KLF12: variants seen among roughly 807,000 people sequenced by gnomAD.
The protein encoded by KLF12 is Krueppel-like factor 12.
In KLF12, 9 loss-of-function variants were observed where a neutral mutation model predicts 37.8. That is an observed-to-expected ratio of 0.24 (90% CI 0.14 to 0.42). KLF12 has a LOEUF of 0.42. Among genes scored for constraint, KLF12 ranks in the 10% least tolerant of loss-of-function variants. The probability of loss-of-function intolerance (pLI) is 1.00; values close to 1 mark genes in which losing one functional copy is unlikely to be tolerated. For missense variants in KLF12, 411 were observed against 516.0 expected (o/e 0.80, Z 1.97); for synonymous variants, 208 against 202.1 (o/e 1.03, Z -0.25).
At chr13:73,903,901 G>A (rs905146188) in intron 3 of KLF12, among the ~76,000 whole-genome samples, 2 of 152,088 alleles carry the variant, frequency 1.3e-5, no homozygotes, top group African/African-American at 4.8e-5. Context: ...ATGTGAGGTG[G>A]AATAGTTTCA....
At chr13:74,297,523 A>G in the KLF12 span, among the ~76,000 whole-genome samples, 1 of 152,178 alleles carries the variant, frequency 6.6e-6, no homozygotes, top group Non-Finnish European at 1.5e-5. Context: ...CTCTATAGGT[A>G]CTGTGGAACT....
chr13:74,187,317 C>T, the KLF12 span, among the ~76,000 whole-genome samples: 1 of 151,486 alleles, frequency 6.6e-6, no homozygotes, highest in Admixed American at 6.6e-5. Flanking sequence ...GAGGGAGACC[C>T]TGTCTCAAAA....
chr13:73,768,810 G>A (rs763516851), intron 5 of KLF12, among the ~76,000 whole-genome samples: 5 of 152,126 alleles, frequency 3.3e-5, no homozygotes, highest in Admixed American at 6.6e-5. Context: ...CTGGGGTCAC[G>A]TAGGTAGTAA....
the KLF12 span, among the ~76,000 whole-genome samples, chr13:74,293,028 C>T: frequency 6.6e-6 from 1 of 152,122 alleles, no homozygotes; most frequent in East Asian, 1.9e-4. Context: ...ACAACAGGCA[C>T]ATAGGTGCAA....
Position 73,843,835 on chromosome 13 carries a change from G to T in KLF12, c.670+1992C>A, listed in dbSNP as rs558488429. ...GGTTTATACTTAAATTTTTATTCTTGATATGAGAAAACTACTGAGTAAAAA... is the reference window on the plus strand; with the variant it reads ...GGTTTATACTTAAATTTTTATTCTTTATATGAGAAAACTACTGAGTAAAAA... On this transcript the variant is annotated intron_variant, in intron 4 of 7. Transcript: ENST00000377669. Among the ~76,000 whole-genome samples the T allele has an allele frequency of 2.6e-5, 4 of 152,108 alleles. No individual in the cohort carries two copies. In the South Asian group the frequency reaches 8.3e-4, roughly 32 times the overall value.
the KLF12 span, among the ~76,000 whole-genome samples, chr13:74,185,361 G>C: frequency 6.6e-6 from 1 of 152,172 alleles, no homozygotes; most frequent in African/African-American, 2.4e-5. Flanking sequence ...GGAGGCTAAG[G>C]ATGGAGTGAG....
At chr13:73,937,108 T>G (rs1889969936) in intron 3 of KLF12, among the ~76,000 whole-genome samples, 2 of 152,050 alleles carry the variant, frequency 1.3e-5, no homozygotes, top group African/African-American at 4.8e-5. Flanking sequence ...GAGAATCGCT[T>G]GAACCCGGGA....
chr13:74,120,792 C>T (rs1340441164), intron 1 of KLF12, among the ~76,000 whole-genome samples: 1 of 151,924 alleles, frequency 6.6e-6, no homozygotes, highest in Non-Finnish European at 1.5e-5. Flanking sequence ...TGCTATCATA[C>T]AGTAAGGTAA....
chr13:74,221,006 G>T, the KLF12 span, among the ~76,000 whole-genome samples: 122 of 137,722 alleles, frequency 8.9e-4, 1 homozygote, highest in Admixed American at 3.2e-3. Context: ...TTGCTTGTTT[G>T]TTTTTTTTTT....
intron 3 of KLF12, among the ~76,000 whole-genome samples, chr13:73,900,289 C>T (rs1186867781): frequency 1.3e-5 from 2 of 152,140 alleles, no homozygotes; most frequent in East Asian, 3.8e-4. Flanking sequence ...TAGACCTCCA[C>T]ATGTTAAAGA....
intron 6 of KLF12, among the ~76,000 whole-genome samples, chr13:73,754,247 A>G (rs529251334): frequency 1.5e-4 from 23 of 152,212 alleles, no homozygotes; most frequent in African/African-American, 5.5e-4. Flanking sequence ...TGCTCTGACA[A>G]TTTTTTAAAA....
At chr13:74,074,145 C>CGAGA (rs150269885) in intron 1 of KLF12, among the ~76,000 whole-genome samples, 2 of 151,284 alleles carry the variant, frequency 1.3e-5, no homozygotes, top group African/African-American at 4.9e-5. Context: ...TTTTCTCATT[C>CGAGA]GAGAGAGAGA....
chr13:74,128,299 A>G (rs1158901866), intron 1 of KLF12, among the ~76,000 whole-genome samples: 1 of 152,218 alleles, frequency 6.6e-6, no homozygotes, highest in Admixed American at 6.5e-5. Flanking sequence ...TTCCTTCCCC[A>G]TAAGTGTAAT....
chr13:74,097,714 T>TTGTGTG (rs58698640), intron 1 of KLF12, among the ~76,000 whole-genome samples: 11 of 147,286 alleles, frequency 7.5e-5, no homozygotes, highest in Non-Finnish European at 1.3e-4. Flanking sequence ...ATATATGTAT[T>TTGTGTG]TGTGTGTGTG....
At chr13:73,967,798 G>C (rs1442427436) in intron 2 of KLF12, among the ~76,000 whole-genome samples, 1 of 152,108 alleles carries the variant, frequency 6.6e-6, no homozygotes, top group East Asian at 1.9e-4. Flanking sequence ...TACATAGAAG[G>C]CAAGGGACAT....
chr13:74,011,065 G>C (rs764659564), intron 1 of KLF12, among the ~76,000 whole-genome samples: 7 of 151,946 alleles, frequency 4.6e-5, no homozygotes, highest in Non-Finnish European at 1.0e-4. Flanking sequence ...TTTAATATCA[G>C]TGATCTTATT....
chr13:74,283,529 C>T, the KLF12 span, among the ~76,000 whole-genome samples: 28 of 152,212 alleles, frequency 1.8e-4, no homozygotes, highest in South Asian at 5.8e-3. Context: ...TGCAGATACT[C>T]CTTTACAGGG....
the KLF12 span, among the ~76,000 whole-genome samples, chr13:74,179,077 C>T: frequency 6.6e-6 from 1 of 152,202 alleles, no homozygotes. Flanking sequence ...GGCCTTTGGT[C>T]TTTCCTTCCT....
the KLF12 span, among the ~76,000 whole-genome samples, chr13:74,235,982 A>G: frequency 6.7e-6 from 1 of 149,666 alleles, no homozygotes; most frequent in African/African-American, 2.5e-5. Flanking sequence ...TTTAGGGTAC[A>G]TGTGCACAAT....
Sources: allele counts gnomAD v4.1 joint callset (sites outside exome capture counted in the v4.1 genomes callset), GRCh38; gene constraint gnomAD v4.1.1; transcripts MANE v1.5; gene names NCBI Gene and HGNC (gene_info 2026-07-23, HGNC 2026-07-21).